The following BRDT variants were observed in gnomAD, a reference collection of about 807,000 sequenced individuals.
The protein encoded by BRDT is bromodomain testis associated.
A neutral mutation model predicts 113.9 loss-of-function variants in BRDT; 77 were observed. That is an observed-to-expected ratio of 0.68 (90% CI 0.56 to 0.82). BRDT has a LOEUF of 0.82. Ranked by LOEUF, BRDT falls within the 40% of genes least tolerant of loss-of-function variation. The probability of loss-of-function intolerance (pLI) is 0.00; values close to 1 mark genes in which losing one functional copy is unlikely to be tolerated. For missense variants in BRDT, 1,027 were observed against 1,105.4 expected (o/e 0.93, Z 1.01); for synonymous variants, 358 against 366.5 (o/e 0.98, Z 0.26).
intron 15 of BRDT, 83 bp downstream of exon 15, chr1:91,994,337 A>T (rs1383455449): frequency 2.7e-6 from 3 of 1,125,718 alleles, no homozygotes; most frequent in Non-Finnish European, 3.7e-6. Context: ...TGGTCATCTT[A>T]AATGTTAAAT....
intron 1 of BRDT, among the ~76,000 whole-genome samples, chr1:91,954,466 C>T (rs1177352376): frequency 1.3e-5 from 2 of 151,680 alleles, no homozygotes; most frequent in East Asian, 3.9e-4. Context: ...TTTGTGTAGA[C>T]ACAAGATCTC....
intron 4 of BRDT, among the ~76,000 whole-genome samples, chr1:91,970,910 CAAAAAAAAA>C (rs56365341): frequency 1.8e-5 from 2 of 113,954 alleles, no homozygotes; most frequent in Admixed American, 1.9e-4. Context: ...GACCCTTTCT[CAAAAAAAAA>C]AAAAAAAAAA....
rs1055820215 is a variant in BRDT, at chr1:91,991,265, G to T, written c.2064+20G>T. On this transcript the variant is annotated intron_variant, in intron 13 of 18. Transcript: ENST00000399546. ...GTAAAGGTAAGTGAATTCTTTATTT[G>T]TATCTGAATTTTAAAAGTATGTATA... 3 of 1,421,392 alleles carry T rather than the reference G, an allele frequency of 2.1e-6. No individual in the cohort carries two copies. The highest frequency in any genetic ancestry group is 2.9e-5 in the African/African-American group (2 of 69,718). 88.0% of individuals were successfully genotyped at this position (1,421,392 alleles called of 1,614,324 possible). A position where few individuals can be genotyped will look rare whatever the true frequency, so the allele number is the denominator to read the frequency against.
chr1:91,995,601 T>TGCC (rs1686244912), intron 15 of BRDT, among the ~76,000 whole-genome samples: 6 of 151,966 alleles, frequency 3.9e-5, no homozygotes, highest in Admixed American at 6.6e-5. Flanking sequence ...TAGCTGGGAT[T>TGCC]ACAGGCATGT....
intron 14 of BRDT, among the ~76,000 whole-genome samples, chr1:91,993,356 G>A (rs2101748839): frequency 6.6e-6 from 1 of 152,266 alleles, no homozygotes; most frequent in African/African-American, 2.4e-5. Context: ...ACTGGGCTTT[G>A]CTACTGTAAC....
Position 91,994,161 on chromosome 1 carries a change from C to T in BRDT, c.2194C>T (p.Pro732Ser), listed in dbSNP as rs529256672. The T allele has an allele frequency of 7.4e-6, 12 of 1,613,536 alleles. No individual in the cohort carries two copies. The highest frequency in any genetic ancestry group is 1.7e-4 in the Middle Eastern group (1 of 6,060). ...HQTTPSHVMP[P>S]NHHQLAFNYQ... ...GACCACACCTTCACATGTAATGCCA[C>T]CAAATCACCACCAATTAGCATTTAA... Residue 732 changes from proline to serine, a missense_variant, in exon 15 of 19, where the codon CCA (proline) becomes TCA (serine). Physicochemically the swap from Pro to Ser is moderately conservative, Grantham distance 74 (BLOSUM62 -1). Transcript: ENST00000399546.
intron 1 of BRDT, among the ~76,000 whole-genome samples, chr1:91,958,677 A>G (rs1281430725): frequency 6.6e-6 from 1 of 152,200 alleles, no homozygotes; most frequent in African/African-American, 2.4e-5. Context: ...TTGTGTGGCA[A>G]GGTATTTTTT....
chr1:91,978,590 A>G (rs1684378728), intron 7 of BRDT, among the ~76,000 whole-genome samples: 1 of 152,158 alleles, frequency 6.6e-6, no homozygotes, highest in Non-Finnish European at 1.5e-5. Context: ...ATTAGTGAAG[A>G]GGGGATGTAG....
intron 15 of BRDT, among the ~76,000 whole-genome samples, chr1:92,001,022 G>T (rs375958774): frequency 2.6e-5 from 4 of 152,122 alleles, no homozygotes; most frequent in African/African-American, 9.7e-5. Context: ...TCACATCCCT[G>T]TTCCCTTGGT....
At chr1:91,962,330 A>G (rs532674351) in intron 1 of BRDT, among the ~76,000 whole-genome samples, 1 of 150,108 alleles carries the variant, frequency 6.7e-6, no homozygotes, top group Admixed American at 6.7e-5. Flanking sequence ...TTTAAAACAC[A>G]GTATGTGTTA....
At chr1:91,963,880 C>CTT (rs755535465) in intron 2 of BRDT, among the ~76,000 whole-genome samples, 1 of 139,768 alleles carries the variant, frequency 7.2e-6, no homozygotes, top group African/African-American at 2.6e-5. Flanking sequence ...AGAATATGGC[C>CTT]TTTTTTTTTT....
intron 1 of BRDT, among the ~76,000 whole-genome samples, chr1:91,958,489 T>TGCC (rs1682050765): frequency 6.6e-6 from 1 of 152,220 alleles, no homozygotes; most frequent in Non-Finnish European, 1.5e-5. Flanking sequence ...GTGTTGGGAT[T>TGCC]ACAGGTGTGA....
chr1:92,012,749 A>G (rs1468448782), intron 18 of BRDT, among the ~76,000 whole-genome samples: 1 of 151,652 alleles, frequency 6.6e-6, no homozygotes, highest in East Asian at 1.9e-4. Flanking sequence ...CATCTCTACT[A>G]AAACTACAAG....
chr1:91,992,512 CGTAAGTGAAATTATACAT>C (rs1308488293), intron 14 of BRDT, among the ~76,000 whole-genome samples, 198 bp downstream of exon 14: 3 of 151,092 alleles, frequency 2.0e-5, no homozygotes, highest in African/African-American at 7.3e-5. Flanking sequence ...GCTTTGGACA[CGTAAGTGAAATTATACAT>C]ATATATATTT....
intron 18 of BRDT, among the ~76,000 whole-genome samples, chr1:92,006,389 T>G (rs991525437): frequency 9.3e-5 from 14 of 149,924 alleles, no homozygotes; most frequent in Middle Eastern, 3.2e-3. Context: ...CTATCTTGTG[T>G]TTTTTTTTTA....
chr1:91,968,174 A>G lies in BRDT; in HGVS notation c.359A>G (p.Gln120Arg). Residue 120 changes from glutamine to arginine, a missense_variant, in exon 4 of 19, where the codon CAA becomes CGA. Gln to Arg is a conservative substitution (Grantham distance 43). Coordinates refer to ENST00000399546, the MANE Select transcript of BRDT (RefSeq NM_207189.4). Reference sequence around the variant, plus strand: ...GGAGATGACATTGTTCTTATGGCACAAGCTCTAGAGAAGCTGTTTATGCAG... The same window carrying G: ...GGAGATGACATTGTTCTTATGGCACGAGCTCTAGAGAAGCTGTTTATGCAG... ...KPGDDIVLMA[Q>R]ALEKLFMQKL... The G allele has an allele frequency of 1.9e-6, 3 of 1,614,072 alleles. No individual in the cohort carries two copies. The highest frequency in any genetic ancestry group is 2.5e-6 in the Non-Finnish European group (3 of 1,179,978).
chr1:91,964,599 A>G, intron 2 of BRDT, 28 bp from the exon 3 acceptor site: 1 of 1,303,082 alleles, frequency 7.7e-7, no homozygotes, highest in South Asian at 1.7e-5. Flanking sequence ...CATTCTTACT[A>G]ACATTTAGAA....
In BRDT at chr1:91,992,279, T is replaced by C. The variant is rs775972481; in HGVS notation, c.2080T>C (p.Cys694Arg). The C allele has an allele frequency of 8.7e-6, 13 of 1,502,004 alleles. No homozygotes were observed. The highest frequency in any genetic ancestry group is 1.2e-5 in the Non-Finnish European group (13 of 1,113,476). 93.0% of individuals were successfully genotyped at this position (1,502,004 alleles called of 1,614,324 possible). A position where few individuals can be genotyped will look rare whatever the true frequency, so the allele number is the denominator to read the frequency against. Residue 694 changes from cysteine (C) to arginine (R), a missense_variant, in exon 14 of 19, where the codon TGC becomes CGC. Coordinates refer to ENST00000399546, the MANE Select transcript of BRDT (RefSeq NM_207189.4). ...KENVKKMKNE[C>R]IPPEGRTGVT... The stretch of plus-strand genomic sequence containing the variant: ...TTATTTTTAGAAAATGAAGAATGAA[T>C]GCATACCGCCTGAAGGAAGAACAGG...
chr1:91,962,844 T>C lies in BRDT; in HGVS notation c.90T>C (p.Asn30=), dbSNP rs753146796. The C allele has an allele frequency of 3.1e-6, 5 of 1,612,736 alleles. No homozygotes were observed. ...CTAAGAAAAATGGGCGATTGACAAA[T>C]CAACTTCAGTATCTACAAAAAGTTG... ...INTKKNGRLT[N]QLQYLQKVVL... Residue 30 remains asparagine (N), a synonymous_variant, in exon 2 of 19, where the codon AAT becomes AAC. Coordinates refer to ENST00000399546, the MANE Select transcript of BRDT (RefSeq NM_207189.4).
Sources: gnomAD v4.1 joint callset for allele counts (sites outside exome capture counted in the v4.1 genomes callset) on GRCh38, gnomAD v4.1.1 for gene constraint, MANE v1.5 for transcripts, NCBI Gene and HGNC (gene_info 2026-07-23, HGNC 2026-07-21) for gene names.